The following PALM2AKAP2 variants were observed in gnomAD, a reference collection of about 807,000 sequenced individuals.
PALM2AKAP2 encodes PALM2-AKAP2 fusion protein.
PALM2AKAP2 carries 37 observed loss-of-function variants against 71.5 expected under a neutral mutation model. The ratio of observed to expected loss-of-function variants is 0.52; its 90% confidence interval spans 0.40 to 0.68. PALM2AKAP2 has a LOEUF of 0.68. Among genes scored for constraint, PALM2AKAP2 ranks in the 30% least tolerant of loss-of-function variants. PALM2AKAP2 has a pLI of 0.00. For missense variants in PALM2AKAP2, 1,224 were observed against 1,191.8 expected, an observed-to-expected ratio of 1.03 and a Z score of -0.40; for synonymous variants, 468 against 478.8, an observed-to-expected ratio of 0.98 and a Z score of 0.29.
chr9:109,842,085 A>G (rs1828711777), intron 1 of PALM2AKAP2, among the ~76,000 whole-genome samples: 1 of 151,772 alleles, frequency 6.6e-6, no homozygotes, highest in African/African-American at 2.4e-5. Context: ...ACATGCACAG[A>G]CTCTCTGGGC....
chr9:109,742,551 T>C (rs1828731451), intron 1 of PALM2AKAP2, among the ~76,000 whole-genome samples: 1 of 152,206 alleles, frequency 6.6e-6, no homozygotes, highest in South Asian at 2.1e-4. Flanking sequence ...GTTCTCTTTG[T>C]CAAATGTACT....
At chr9:109,740,156 C>T (rs1031024018) in intron 1 of PALM2AKAP2, among the ~76,000 whole-genome samples, 2 of 152,228 alleles carry the variant, frequency 1.3e-5, no homozygotes, top group African/African-American at 2.4e-5. Flanking sequence ...CATTTGTTCA[C>T]TCATTCATTC....
At chr9:109,923,686 G>A in intron 3 of PALM2AKAP2, 49 bp from the exon 4 acceptor site, 1 of 1,526,764 alleles carries the variant, frequency 6.5e-7, no homozygotes, top group Non-Finnish European at 8.8e-7. Context: ...TCTTGCCCGT[G>A]GATGGCAGGA....
chr9:109,926,673 G>A (rs899904801), intron 5 of PALM2AKAP2, among the ~76,000 whole-genome samples: 10 of 152,120 alleles, frequency 6.6e-5, no homozygotes, highest in African/African-American at 2.2e-4. Context: ...AGTGCATGTC[G>A]GCCTTTTATG....
intron 1 of PALM2AKAP2, among the ~76,000 whole-genome samples, chr9:110,075,457 C>G (rs1003644731): frequency 1.3e-5 from 2 of 152,090 alleles, no homozygotes; most frequent in Non-Finnish European, 2.9e-5. Context: ...GAAATGTAGA[C>G]ATAAAAAACT....
intron 1 of PALM2AKAP2, among the ~76,000 whole-genome samples, chr9:109,848,442 C>G (rs1279032795): frequency 6.6e-6 from 1 of 152,172 alleles, no homozygotes; most frequent in East Asian, 1.9e-4. Flanking sequence ...GTCCCCTGTC[C>G]CTGTGACTTA....
At chr9:110,091,676 A>G (rs1283648542) in intron 1 of PALM2AKAP2, among the ~76,000 whole-genome samples, 2 of 151,766 alleles carry the variant, frequency 1.3e-5, no homozygotes, top group Non-Finnish European at 2.9e-5. Context: ...GTTAGCCAGG[A>G]TGGTCTTGAT....
intron 1 of PALM2AKAP2, among the ~76,000 whole-genome samples, chr9:109,660,483 G>C (rs1235505828): frequency 6.6e-6 from 1 of 152,106 alleles, no homozygotes; most frequent in East Asian, 1.9e-4. Flanking sequence ...TGCTGAGAAT[G>C]ATGCTTTCCA....
chr9:109,693,433 TG>T (rs1203741960), intron 1 of PALM2AKAP2, among the ~76,000 whole-genome samples: 1 of 151,970 alleles, frequency 6.6e-6, no homozygotes, highest in Non-Finnish European at 1.5e-5. Context: ...TATTTTTTCT[TG>T]GTTTTTTATT....
At chr9:109,947,561 G>A (rs1476828911) in intron 6 of PALM2AKAP2, among the ~76,000 whole-genome samples, 2 of 152,190 alleles carry the variant, frequency 1.3e-5, no homozygotes, top group African/African-American at 4.8e-5. Context: ...ACTATACCAG[G>A]TCTTCCTTTG....
At chr9:110,016,672 C>A (rs7030564) in intron 7 of PALM2AKAP2, among the ~76,000 whole-genome samples, 128,035 of 152,222 alleles carry the variant, frequency 0.84, 54,173 homozygotes, top group African/African-American at 0.92. Context: ...TCAGAGGTGC[C>A]ACCATTTCCC....
intron 1 of PALM2AKAP2, among the ~76,000 whole-genome samples, chr9:109,724,485 A>G (rs796640700): frequency 2.6e-5 from 4 of 151,324 alleles, no homozygotes; most frequent in African/African-American, 9.7e-5. Context: ...AGATCAAAAG[A>G]CACCAAATAA....
intron 7 of PALM2AKAP2, among the ~76,000 whole-genome samples, chr9:110,017,336 A>C (rs1215916192): frequency 6.6e-6 from 1 of 152,272 alleles, no homozygotes; most frequent in African/African-American, 2.4e-5. Flanking sequence ...TAAATGAAAG[A>C]TAGGATAGTA....
intron 7 of PALM2AKAP2, among the ~76,000 whole-genome samples, chr9:110,021,566 T>C (rs1833074664): frequency 6.6e-6 from 1 of 152,194 alleles, no homozygotes; most frequent in Non-Finnish European, 1.5e-5. Context: ...AATTTTCTTA[T>C]TTTACTCTAC....
At chr9:109,844,872 G>A (rs1176920631) in intron 1 of PALM2AKAP2, among the ~76,000 whole-genome samples, 1 of 151,912 alleles carries the variant, frequency 6.6e-6, no homozygotes, top group African/African-American at 2.4e-5. Context: ...CACCTGTGCT[G>A]TAGAACCCCT....
chr9:109,644,644 C>A (rs1411013943), intron 1 of PALM2AKAP2, among the ~76,000 whole-genome samples: 1 of 152,178 alleles, frequency 6.6e-6, no homozygotes, highest in Non-Finnish European at 1.5e-5. Flanking sequence ...CTCTGCTTCC[C>A]TTATAAAACC....
upstream of PALM2AKAP2, among the ~76,000 whole-genome samples, chr9:110,044,344 C>CTTTTTTTTTTTTTTTTTTTTTT (rs57314430): frequency 5.7e-4 from 46 of 80,152 alleles, 2 homozygotes; most frequent in African/African-American, 7.8e-4. Flanking sequence ...TTCTTTCTTT[C>CTTTTTTTTTTTTTTTTTTTTTT]TTTTTTTTTT....
chr9:109,941,461 A>G (rs1276462344), intron 6 of PALM2AKAP2, among the ~76,000 whole-genome samples: 1 of 152,228 alleles, frequency 6.6e-6, no homozygotes, highest in Non-Finnish European at 1.5e-5. Flanking sequence ...GGAAGAAAAG[A>G]ACAAGTCAGG....
At chr9:109,771,856 T>C (rs1308935397) in intron 1 of PALM2AKAP2, 2 of 152,148 alleles carry the variant, frequency 1.3e-5, no homozygotes, top group African/African-American at 4.8e-5. Context: ...AGGGGCACAA[T>C]ACTTAATCCG....
Sources: gnomAD v4.1 joint callset for allele counts (sites outside exome capture counted in the v4.1 genomes callset) on GRCh38, gnomAD v4.1.1 for gene constraint, MANE v1.5 for transcripts, NCBI Gene and HGNC (gene_info 2026-07-23, HGNC 2026-07-21) for gene names.